HAL: variants seen among roughly 807,000 people sequenced by gnomAD.
The protein encoded by HAL is histidine ammonia-lyase.
HAL carries 85 observed loss-of-function variants against 81.1 expected under a neutral mutation model. The ratio of observed to expected loss-of-function variants is 1.05; its 90% CI spans 0.88 to 1.25. The LOEUF (loss-of-function observed/expected upper bound fraction) is 1.25. Among genes scored for constraint, HAL ranks in the 50% most tolerant of loss-of-function variants. HAL has a pLI of 0.00. For synonymous variants in HAL, 301 were observed against 309.2 expected, an observed-to-expected ratio of 0.97 and a Z score of 0.28; for missense variants, 798 against 836.6, an observed-to-expected ratio of 0.95 and a Z score of 0.57.
rs1421134763 is a variant in HAL, at chr12:95,989,080, A to G, written c.856-840T>C. Among the ~76,000 whole-genome samples, 4 of 152,336 alleles carry G rather than the reference A, an allele frequency of 2.6e-5. No individual in the cohort carries two copies. The East Asian group carries it at 5.8e-4, about 22-fold the overall frequency. The stretch of plus-strand genomic sequence containing the variant: ...AGGATGTGGGAAGTGGGTGGGGTGC[A>G]GTGGAAAACAATCATTTGCTAGGAG... On this transcript the variant is annotated intron_variant, in intron 10 of 20. Transcript: ENST00000261208.
chr12:95,986,953 T>C (rs1027805417), intron 12 of HAL, 114 bp downstream of exon 12: 38 of 905,742 alleles, frequency 4.2e-5, no homozygotes, highest in Non-Finnish European at 6.6e-5. Context: ...GGCACTTGGG[T>C]TTTCTCCTTC....
At chr12:95,993,573 C>A in intron 7 of HAL, 85 bp from the exon 8 acceptor site, 1 of 1,005,556 alleles carries the variant, frequency 9.9e-7, no homozygotes, top group South Asian at 1.3e-5. Context: ...GAATCATGGT[C>A]AAATCCTTGG....
chr12:95,974,410 G>A (rs550693440), intron 20 of HAL, 38 bp from the exon 21 acceptor site: 21 of 1,598,222 alleles, frequency 1.3e-5, no homozygotes, highest in South Asian at 4.4e-5. Flanking sequence ...AAATATTGAC[G>A]ACATTGTTTC....
At position 95,995,977 on chromosome 12, in the gene HAL, C is replaced by G; in HGVS notation, c.-67G>C. 6.5e-7 allele frequency: 1 copy of G among 1,547,330 alleles called. No homozygotes were observed. The highest frequency in any genetic ancestry group is 8.8e-7 in the Non-Finnish European group (1 of 1,136,914). ...GGAGAGCTTTATGCAGGAGTGGCTA[C>G]CGGGGTGTGGTCAGCTGGAAGGATG... On this transcript the variant is annotated 5_prime_UTR_variant, in exon 2 of 21. Transcript: ENST00000261208.
chr12:95,974,739 GT>G (rs925562672), intron 20 of HAL, among the ~76,000 whole-genome samples: 52 of 151,622 alleles, frequency 3.4e-4, no homozygotes, highest in African/African-American at 1.2e-3. Flanking sequence ...TTGTTTTTTT[GT>G]TTTTTTTCTT....
At chr12:95,993,146 A>G (rs969282306) in intron 8 of HAL, among the ~76,000 whole-genome samples, 1 of 152,074 alleles carries the variant, frequency 6.6e-6, no homozygotes, top group Non-Finnish European at 1.5e-5. Flanking sequence ...AGTCTTTCCC[A>G]TCTCACTATG....
intron 16 of HAL, 30 bp from the exon 17 acceptor site, chr12:95,980,751 A>G (rs2080782375): frequency 6.2e-7 from 1 of 1,609,116 alleles, no homozygotes; most frequent in East Asian, 2.2e-5. Context: ...TAGTCAGCCT[A>G]TATTGAAATG....
chr12:95,986,720 A>G (rs1019162100), intron 12 of HAL, among the ~76,000 whole-genome samples: 21 of 151,852 alleles, frequency 1.4e-4, no homozygotes, highest in African/African-American at 4.6e-4. Flanking sequence ...TTCTTCCCCA[A>G]TTTTCTAGTC....
chr12:95,990,907 C>T (rs1426343107), intron 9 of HAL, among the ~76,000 whole-genome samples: 1 of 152,168 alleles, frequency 6.6e-6, no homozygotes, highest in African/African-American at 2.4e-5. Context: ...CCCAGGAGTT[C>T]AAGACCAGCC....
intron 14 of HAL, 41 bp downstream of exon 14, chr12:95,985,867 T>C (rs1192307624): frequency 7.2e-7 from 1 of 1,383,152 alleles, no homozygotes; most frequent in East Asian, 2.3e-5. Context: ...AAAAACTTTA[T>C]TGGCATTTTT....
At chr12:95,978,876 T>C (rs1476038073) in intron 17 of HAL, among the ~76,000 whole-genome samples, 1 of 152,220 alleles carries the variant, frequency 6.6e-6, no homozygotes, top group Non-Finnish European at 1.5e-5. Context: ...AGGCTTCAGT[T>C]GTTTTCTATG....
At position 95,994,125 on chromosome 12, in the gene HAL, G is replaced by A; in HGVS notation, c.376C>T (p.Leu126=). 6.2e-7 allele frequency: 1 copy of A among 1,613,404 alleles called. No homozygotes were observed. The highest frequency in any genetic ancestry group is 8.5e-7 in the Non-Finnish European group (1 of 1,179,366). The change falls in exon 5 of 21, where the codon CTG becomes TTG. Residue 126 remains leucine, a synonymous_variant. Transcript: ENST00000261208. Reference sequence around the variant, plus strand: ...TAGCGTCCCTTTCCCAAGTTGACCAGATCCTCCGTGGTCAGACGGTCTCCA... The same window carrying A: ...TAGCGTCCCTTTCCCAAGTTGACCAAATCCTCCGTGGTCAGACGGTCTCCA... The part of the protein sequence containing the change: ...LDGDRLTTED[L]VNLGKGRYKI...
chr12:95,993,217 C>T (rs569759292), intron 8 of HAL, among the ~76,000 whole-genome samples: 1 of 152,298 alleles, frequency 6.6e-6, no homozygotes, highest in Middle Eastern at 3.4e-3. Flanking sequence ...GCAACAGTGT[C>T]TCCATGGCAT....
chr12:95,992,530 ACTAT>A (rs1326677859), intron 9 of HAL, 146 bp downstream of exon 9: 1 of 655,074 alleles, frequency 1.5e-6, no homozygotes, highest in East Asian at 3.0e-5. Flanking sequence ...CCCCCATCTA[ACTAT>A]CCTACTTTTT....
Position 95,995,713 on chromosome 12 carries a change from G to A in HAL, c.198C>T (p.Asn66=), listed in dbSNP as rs762695256. Residue 66 remains asparagine (N), a synonymous_variant, in exon 2 of 21, where the codon AAC becomes AAT. Transcript: ENST00000261208. ...RRCKGLGLLD[N]EDRLEVALEN... is the part of the protein sequence containing the mutation. Reference sequence around the variant, plus strand: ...CTAGGGCCACCTCGAGCCGGTCCTCGTTGTCCAGCAGGCCCAGGCCCTTGC... The same window carrying A: ...CTAGGGCCACCTCGAGCCGGTCCTCATTGTCCAGCAGGCCCAGGCCCTTGC... The A allele has an allele frequency of 1.2e-6, 2 of 1,613,708 alleles. No homozygotes were observed. Among genetic ancestry groups the A allele is most frequent in the East Asian group, 2.2e-5 (1 of 44,878 alleles).
intron 8 of HAL, 73 bp from the exon 9 acceptor site, chr12:95,992,878 C>CCTCCCTCT: frequency 1.4e-6 from 2 of 1,408,454 alleles, no homozygotes; most frequent in Non-Finnish European, 2.0e-6. Flanking sequence ...GCCCTCCCTC[C>CCTCCCTCT]CTCCAATCTT....
Position 95,978,082 on chromosome 12 carries a change from C to G in HAL, c.1520-4G>C, listed in dbSNP as rs2080745539. The G allele has an allele frequency of 6.2e-7, 1 of 1,613,000 alleles. No homozygotes were observed. The highest frequency in any genetic ancestry group is 8.5e-7 in the Non-Finnish European group (1 of 1,179,126). On this transcript the variant is annotated splice_polypyrimidine_tract_variant and splice_region_variant and intron_variant, in intron 17 of 20. Transcript: ENST00000261208. ...CACAGAGCCTTGTTCTCAGAAACTG[C>G]AAGAGACCAGTGCCAGTTAAGAAGT...
intron 9 of HAL, among the ~76,000 whole-genome samples, chr12:95,992,080 C>T (rs189708447): frequency 7.9e-5 from 12 of 152,348 alleles, no homozygotes; most frequent in African/African-American, 2.4e-4. Flanking sequence ...TACCTCCAAT[C>T]ACTGCAAATC....
intron 15 of HAL, among the ~76,000 whole-genome samples, chr12:95,982,181 C>T (rs952795798): frequency 2.0e-5 from 3 of 152,112 alleles, no homozygotes; most frequent in African/African-American, 7.2e-5. Context: ...CCATAATATC[C>T]AGCATGTGTG....
Sources: gnomAD v4.1 joint callset for allele counts (sites outside exome capture counted in the v4.1 genomes callset) on GRCh38, gnomAD v4.1.1 for gene constraint, MANE v1.5 for transcripts, NCBI Gene and HGNC (gene_info 2026-07-23, HGNC 2026-07-21) for gene names.